The following LYN variants were observed in gnomAD, a reference collection of about 807,000 sequenced individuals.
LYN encodes LYN proto-oncogene, Src family tyrosine kinase, also known as tyrosine-protein kinase Lyn.
A neutral mutation model predicts 65.0 loss-of-function variants in LYN; 12 were observed. The ratio of observed to expected loss-of-function variants is 0.18; its 90% CI spans 0.12 to 0.30. The LOEUF (loss-of-function observed/expected upper bound fraction) is 0.30, where lower values mean the gene tolerates loss of function less well. LYN is among the 10% of genes least tolerant of loss of function. The probability of loss-of-function intolerance (pLI) is 1.00; values close to 1 mark genes in which losing one functional copy is unlikely to be tolerated. For missense variants in LYN, 380 were observed against 623.2 expected (o/e 0.61, Z 4.16); for synonymous variants, 222 against 221.2 (o/e 1.00, Z -0.03).
chr8:55,921,111 AC>A (rs1185155818), intron 1 of LYN, among the ~76,000 whole-genome samples: 1 of 152,234 alleles, frequency 6.6e-6, no homozygotes, highest in Non-Finnish European at 1.5e-5. Flanking sequence ...TGAAACGAAA[AC>A]AATTTTGGGA....
In LYN at chr8:55,953,982, T is replaced by G; in HGVS notation, c.788T>G (p.Met263Arg). 1 of 1,613,688 alleles carries G rather than the reference T, an allele frequency of 6.2e-7. No homozygotes were observed. Among genetic ancestry groups the G allele is most frequent in the Non-Finnish European group, 8.5e-7 (1 of 1,179,832 alleles). ...LGAGQFGEVW[M>R]GYYNNSTKVA... The stretch of plus-strand genomic sequence containing the variant: ...GCTGGGCAGTTTGGGGAAGTCTGGA[T>G]GGGTAAGTGTGCGGCTCGGGGATCT... The change falls in exon 8 of 13, where the codon ATG (methionine) becomes AGG (arginine). Residue 263 changes from methionine to arginine, a missense_variant and splice_region_variant. Physicochemically the swap from Met to Arg is moderately conservative, Grantham distance 91. Around this residue, in one of 2 missense-constraint regions of LYN, gnomAD observed 223 missense variants for 430.0 expected, o/e 0.52. Transcript: ENST00000519728.
At chr8:55,951,910 T>C (rs1806961572) in intron 6 of LYN, 56 bp from the exon 7 acceptor site, 1 of 1,429,400 alleles carries the variant, frequency 7.0e-7, no homozygotes, top group South Asian at 1.2e-5. Context: ...AGTTGTTGTA[T>C]AATGCAGATC....
intron 10 of LYN, among the ~76,000 whole-genome samples, chr8:55,989,181 C>G (rs935621248): frequency 1.2e-4 from 19 of 152,232 alleles, no homozygotes; most frequent in African/African-American, 4.6e-4. Flanking sequence ...GCCGGTTTCA[C>G]CGTGTGGGAT....
chr8:55,891,685 A>T (rs1025298446), intron 1 of LYN, among the ~76,000 whole-genome samples: 1 of 152,210 alleles, frequency 6.6e-6, no homozygotes, highest in Non-Finnish European at 1.5e-5. Flanking sequence ...TAGTTACGAT[A>T]CAAGTTTTAT....
In LYN at chr8:55,967,306, ATTTTTTTTTTTT is replaced by A. The variant is rs35631616; in HGVS notation, c.973+423_973+434del. 4.2e-5 allele frequency among the ~76,000 whole-genome samples: 4 copies of A among 95,146 alleles called. No homozygotes were observed. In the Admixed American group the frequency reaches 5.5e-4, roughly 13 times the overall value. The allele number at this position is 95,146 out of a possible 152,430, so 62.4% of individuals were successfully genotyped here. A position where few individuals can be genotyped will look rare whatever the true frequency, so the allele number is the denominator to read the frequency against. On this transcript the variant is annotated intron_variant, in intron 9 of 12. Coordinates refer to ENST00000519728, the MANE Select transcript of LYN (RefSeq NM_002350.4). ...TTGTTCAGTACCAAATTCCTCTTTC[ATTTTTTTTTTTT>A]TTTTTTTTTTTTTGGAAACAGAGTC...
intron 1 of LYN, among the ~76,000 whole-genome samples, chr8:55,886,832 C>T (rs1037659039): frequency 6.6e-6 from 1 of 152,170 alleles, no homozygotes; most frequent in Non-Finnish European, 1.5e-5. Flanking sequence ...TCAGTATTTG[C>T]GATAGCCATC....
chr8:55,913,101 A>T (rs994241942), intron 1 of LYN, among the ~76,000 whole-genome samples: 1 of 152,192 alleles, frequency 6.6e-6, no homozygotes, highest in Non-Finnish European at 1.5e-5. Context: ...TTGGATATAA[A>T]CTGGCCTCAT....
intron 2 of LYN, among the ~76,000 whole-genome samples, chr8:55,942,369 GTA>G (rs1216408348): frequency 2.9e-5 from 4 of 137,786 alleles, no homozygotes; most frequent in Admixed American, 1.5e-4. Flanking sequence ...ATATATATGT[GTA>G]TATATATGTG....
intron 8 of LYN, among the ~76,000 whole-genome samples, chr8:55,961,649 T>C (rs1317732196): frequency 3.3e-5 from 5 of 152,218 alleles, no homozygotes; most frequent in African/African-American, 1.2e-4. Flanking sequence ...CTTCGTCCTT[T>C]ACTCATACTT....
intron 1 of LYN, among the ~76,000 whole-genome samples, chr8:55,885,929 C>T (rs917966148): frequency 2.2e-5 from 3 of 139,190 alleles, no homozygotes; most frequent in Non-Finnish European, 1.6e-5. Flanking sequence ...CTGCCCTCTG[C>T]ATTTTCGGTT....
At position 55,990,758 on chromosome 8, in the gene LYN, A is replaced by C. The variant is rs1211140357; in HGVS notation, c.1051-7588A>C. On this transcript the variant is annotated intron_variant, in intron 10 of 12. Transcript: ENST00000519728. ...AAAAGGGAGAAGGGCATAATGAGTC[A>C]TGTCCAATTCCCCCTTCTCATCATG... Among the ~76,000 whole-genome samples the C allele has an allele frequency of 2.0e-5, 3 of 152,162 alleles. No individual in the cohort carries two copies. In the East Asian group the frequency reaches 5.8e-4, roughly 29 times the overall value.
At chr8:55,933,446 C>A (rs1806326831) in intron 1 of LYN, among the ~76,000 whole-genome samples, 1 of 152,178 alleles carries the variant, frequency 6.6e-6, no homozygotes, top group Non-Finnish European at 1.5e-5. Flanking sequence ...CTTTGTGTAG[C>A]CCCCAGTTAT....
At chr8:55,937,397 T>A (rs1806465218) in intron 1 of LYN, among the ~76,000 whole-genome samples, 1 of 152,212 alleles carries the variant, frequency 6.6e-6, no homozygotes, top group South Asian at 2.1e-4. Context: ...AATTCTTGAT[T>A]GTTTGATTAA....
chr8:55,966,882 G>A lies in LYN; in HGVS notation c.958G>A (p.Glu320Lys), dbSNP rs1216734638. ...GGAGGAGCCCATTTACATCATCACCGAGTACATGGCCAAGGGTGAGTTCCT... is the reference window on the plus strand; with the variant it reads ...GGAGGAGCCCATTTACATCATCACCAAGTACATGGCCAAGGGTGAGTTCCT... ...TREEPIYIIT[E>K]YMAKGSLLDF... The change falls in exon 9 of 13, where the codon GAG becomes AAG. Residue 320 changes from glutamate (E) to lysine (K), a missense_variant. By Grantham distance (56) the Glu-to-Lys change is moderately conservative. This residue lies in a region of LYN where 223 missense variants were observed against 430.0 expected (regional missense o/e 0.52). Transcript: ENST00000519728. The A allele has an allele frequency of 1.9e-6, 3 of 1,613,688 alleles. No homozygotes were observed. The highest frequency in any genetic ancestry group is 1.7e-6 in the Non-Finnish European group (2 of 1,179,808).
At position 56,012,014 on chromosome 8, in the gene LYN, T is replaced by G. The variant is rs138665381; in HGVS notation, c.*1904T>G. 1.9e-3 allele frequency: 355 copies of G among 188,822 alleles called. 2 individuals are homozygous for G. Among genetic ancestry groups the G allele is most frequent in the African/African-American group, 8.0e-3 (344 of 42,898 alleles). 11.7% of individuals were successfully genotyped at this position (188,822 alleles called of 1,614,324 possible). ...AACAAATTTATTTAAAGAAAATTATTAAATTTATCTTCGCCTTGTTTTGCT... is the reference window on the plus strand; with the variant it reads ...AACAAATTTATTTAAAGAAAATTATGAAATTTATCTTCGCCTTGTTTTGCT... On this transcript the variant is annotated 3_prime_UTR_variant, in exon 13 of 13. Transcript: ENST00000519728.
chr8:56,003,089 T>C (rs576963127), intron 12 of LYN, among the ~76,000 whole-genome samples: 10 of 150,440 alleles, frequency 6.6e-5, no homozygotes, highest in Non-Finnish European at 1.5e-4. Flanking sequence ...AGACAGAATC[T>C]CGCTCTGTTG....
intron 12 of LYN, among the ~76,000 whole-genome samples, chr8:56,002,738 A>G (rs539154447): frequency 1.2e-3 from 190 of 152,264 alleles, no homozygotes; most frequent in Non-Finnish European, 2.2e-3. Context: ...GAATCCATCG[A>G]CTAGTCTGTT....
chr8:55,979,801 C>A (rs1807866057), intron 10 of LYN, among the ~76,000 whole-genome samples: 1 of 152,232 alleles, frequency 6.6e-6, no homozygotes, highest in South Asian at 2.1e-4. Context: ...CTCTGCCAAG[C>A]AGCAGCCTGA....
chr8:55,883,504 C>A (rs762406207), intron 1 of LYN, among the ~76,000 whole-genome samples: 1 of 152,116 alleles, frequency 6.6e-6, no homozygotes, highest in African/African-American at 2.4e-5. Flanking sequence ...AAGATGACAC[C>A]TATACTGGCT....
Sources: allele counts gnomAD v4.1 joint callset (sites outside exome capture counted in the v4.1 genomes callset), GRCh38; gene constraint gnomAD v4.1.1; regional missense constraint gnomAD v4.1.1; transcripts MANE v1.5; gene names NCBI Gene and HGNC (gene_info 2026-07-23, HGNC 2026-07-21).